Variants in KCND2 observed in about 807,000 individuals in gnomAD.
The protein encoded by KCND2 is potassium voltage-gated channel subfamily D member 2.
In KCND2, 16 loss-of-function variants were observed where a neutral mutation model predicts 54.4. The ratio of observed to expected loss-of-function variants is 0.29; its 90% CI spans 0.20 to 0.45. The LOEUF (loss-of-function observed/expected upper bound fraction) is 0.45. KCND2 is among the 20% of genes least tolerant of loss of function. The probability of loss-of-function intolerance (pLI) is 1.00; values close to 1 mark genes in which losing one functional copy is unlikely to be tolerated. For synonymous variants in KCND2, 317 were observed against 310.7 expected (o/e 1.02, Z -0.21); for missense variants, 486 against 824.2 (o/e 0.59, Z 5.02).
At chr7:120,571,956 T>G (rs1448914631) in intron 1 of KCND2, among the ~76,000 whole-genome samples, 2 of 152,232 alleles carry the variant, frequency 1.3e-5, no homozygotes, top group Non-Finnish European at 2.9e-5. Context: ...TGACAGACAG[T>G]GTAACAACAG....
At chr7:120,728,145 AAAAG>A (rs1452988795) in intron 1 of KCND2, among the ~76,000 whole-genome samples, 4 of 150,784 alleles carry the variant, frequency 2.7e-5, no homozygotes, top group Non-Finnish European at 4.4e-5. Context: ...AAAAAAAAAA[AAAAG>A]AAAGAAAGAA....
intron 1 of KCND2, among the ~76,000 whole-genome samples, chr7:120,663,315 A>G (rs1791888253): frequency 6.6e-6 from 1 of 152,134 alleles, no homozygotes; most frequent in Non-Finnish European, 1.5e-5. Context: ...AAAAGACCAA[A>G]ATAACAAAAA....
At chr7:120,376,874 G>C (rs1049334864) in intron 1 of KCND2, among the ~76,000 whole-genome samples, 4 of 151,800 alleles carry the variant, frequency 2.6e-5, no homozygotes, top group Non-Finnish European at 4.4e-5. Flanking sequence ...TTTTATATTT[G>C]CTCAGCTGTT....
chr7:120,448,137 G>A (rs10216095), intron 1 of KCND2, among the ~76,000 whole-genome samples: 9,291 of 151,968 alleles, frequency 0.061, 867 homozygotes, highest in African/African-American at 0.21. Context: ...CCATTAACTC[G>A]TCATTTACAT....
At chr7:120,433,912 G>A (rs1014394437) in intron 1 of KCND2, among the ~76,000 whole-genome samples, 1 of 152,176 alleles carries the variant, frequency 6.6e-6, no homozygotes, top group African/African-American at 2.4e-5. Flanking sequence ...TACATAGCAA[G>A]TATGTCTCAT....
chr7:120,748,026 A>C lies in KCND2; in HGVS notation c.*168A>C. ...TTAAGGATGTGAATAAAACCACCAA[A>C]TGGCATTTCTAGACAGTTTGACCTG... On this transcript the variant is annotated 3_prime_UTR_variant, in exon 6 of 6. Coordinates refer to ENST00000331113, the MANE Select transcript of KCND2 (RefSeq NM_012281.3). The C allele has an allele frequency of 4.9e-6, 3 of 614,838 alleles. No individual in the cohort carries two copies. Among genetic ancestry groups the C allele is most frequent in the East Asian group, 2.9e-5 (1 of 34,426 alleles). 38.1% of individuals were successfully genotyped at this position (614,838 alleles called of 1,614,324 possible).
In KCND2 at chr7:120,680,378, A is replaced by T. The variant is rs1204865377; in HGVS notation, c.1116-52525A>T. 2.6e-5 allele frequency among the ~76,000 whole-genome samples: 4 copies of T among 152,078 alleles called. No individual in the cohort carries two copies. In the South Asian group the frequency reaches 6.2e-4, roughly 24 times the overall value. On this transcript the variant is annotated intron_variant, in intron 1 of 5. Transcript: ENST00000331113. ...TTAGTTATTCCTACATGCACATGTGATATTCGTGATACCAGACTGTGAACC... is the reference window on the plus strand; with the variant it reads ...TTAGTTATTCCTACATGCACATGTGTTATTCGTGATACCAGACTGTGAACC...
At chr7:120,588,958 T>C (rs1208102395) in intron 1 of KCND2, among the ~76,000 whole-genome samples, 1 of 152,116 alleles carries the variant, frequency 6.6e-6, no homozygotes, top group Non-Finnish European at 1.5e-5. Flanking sequence ...TAAACCAAAA[T>C]TACTCCTTAC....
Position 120,315,814 on chromosome 7 carries a change from G to A in KCND2, c.1115+40067G>A, listed in dbSNP as rs900112187. Reference sequence around the variant, plus strand: ...TGTGTGTGTGTGTGTGTGTGTGTGTGTGTAATATTTGAGATTTTTAAGACA... The same window carrying A: ...TGTGTGTGTGTGTGTGTGTGTGTGTATGTAATATTTGAGATTTTTAAGACA... On this transcript the variant is annotated intron_variant, in intron 1 of 5. Coordinates refer to ENST00000331113, the MANE Select transcript of KCND2 (RefSeq NM_012281.3). 4.8e-4 allele frequency among the ~76,000 whole-genome samples: 48 copies of A among 99,784 alleles called. 2 individuals carry two copies. Among genetic ancestry groups the A allele is most frequent in the African/African-American group, 1.8e-3 (47 of 26,798 alleles). The allele number at this position is 99,784 out of a possible 152,430, so 65.5% of individuals were successfully genotyped here.
At position 120,274,531 on chromosome 7, in the gene KCND2, C is replaced by T; in HGVS notation, c.-102C>T. ...AGTTACACCTCTGGACCACGTTTCT[C>T]ACTAGTACTTTGCTTGACTGGAGGA... On this transcript the variant is annotated 5_prime_UTR_variant, in exon 1 of 6. Coordinates refer to ENST00000331113, the MANE Select transcript of KCND2 (RefSeq NM_012281.3). 7.5e-7 allele frequency: 1 copy of T among 1,328,096 alleles called. No individual in the cohort carries two copies. Among genetic ancestry groups the T allele is most frequent in the Non-Finnish European group, 1.1e-6 (1 of 921,156 alleles). 82.3% of individuals were successfully genotyped at this position (1,328,096 alleles called of 1,614,324 possible). A position where few individuals can be genotyped will look rare whatever the true frequency, so the allele number is the denominator to read the frequency against.
intron 1 of KCND2, among the ~76,000 whole-genome samples, chr7:120,536,669 A>G (rs922553053): frequency 2.0e-5 from 3 of 152,178 alleles, no homozygotes; most frequent in Admixed American, 2.0e-4. Context: ...AATAAAAAGC[A>G]CATCCTCCTC....
At position 120,745,898 on chromosome 7, in the gene KCND2, G is replaced by T. The variant is rs1356815880; in HGVS notation, c.1586G>T (p.Cys529Phe). The T allele has an allele frequency of 6.2e-7, 1 of 1,613,780 alleles. No homozygotes were observed. Among genetic ancestry groups the T allele is most frequent in the East Asian group, 2.2e-5 (1 of 44,880 alleles). The change falls in exon 5 of 6, where the codon TGC (cysteine) becomes TTC (phenylalanine). Residue 529 changes from cysteine to phenylalanine, a missense_variant. Physicochemically the swap from Cys to Phe is radical, Grantham distance 205. Transcript: ENST00000331113. ...TCACAACAAGGAGTCACCAGCACCTGCTGTTCACGACGACACAAAAAAACT... is the reference window on the plus strand; with the variant it reads ...TCACAACAAGGAGTCACCAGCACCTTCTGTTCACGACGACACAAAAAAACT... ...LSSQQGVTST[C>F]CSRRHKKTFR...
intron 1 of KCND2, among the ~76,000 whole-genome samples, chr7:120,663,796 C>T (rs1791893924): frequency 6.6e-6 from 1 of 152,058 alleles, no homozygotes; most frequent in Non-Finnish European, 1.5e-5. Context: ...AAACATGCAC[C>T]ACGATATTTC....
chr7:120,597,818 T>C (rs1792764461), intron 1 of KCND2, among the ~76,000 whole-genome samples: 1 of 152,136 alleles, frequency 6.6e-6, no homozygotes, highest in Non-Finnish European at 1.5e-5. Flanking sequence ...TTTAGGAAAT[T>C]AAGGCCCTAG....
intron 1 of KCND2, among the ~76,000 whole-genome samples, chr7:120,613,146 T>C (rs766404543): frequency 1.1e-4 from 16 of 151,756 alleles, no homozygotes; most frequent in Non-Finnish European, 1.8e-4. Flanking sequence ...TATTACGCAG[T>C]GATTCAGACA....
At chr7:120,412,591 C>A (rs1429706338) in intron 1 of KCND2, among the ~76,000 whole-genome samples, 1 of 151,970 alleles carries the variant, frequency 6.6e-6, no homozygotes, top group African/African-American at 2.4e-5. Context: ...TCCTTTCAGC[C>A]TGAAAATAAT....
chr7:120,694,934 CT>C (rs1008592507), intron 1 of KCND2, among the ~76,000 whole-genome samples: 2 of 152,096 alleles, frequency 1.3e-5, no homozygotes, highest in Non-Finnish European at 2.9e-5. Flanking sequence ...TAAATCTGAC[CT>C]CCTTTCTGAA....
intron 1 of KCND2, among the ~76,000 whole-genome samples, chr7:120,717,695 A>G (rs1792620336): frequency 6.6e-6 from 1 of 151,988 alleles, no homozygotes; most frequent in East Asian, 1.9e-4. Context: ...AGGTGCCTGG[A>G]CGCCTCTTAA....
intron 1 of KCND2, among the ~76,000 whole-genome samples, chr7:120,618,579 A>G (rs929982807): frequency 6.6e-6 from 1 of 152,148 alleles, no homozygotes; most frequent in Non-Finnish European, 1.5e-5. Flanking sequence ...ATTGTTTCAC[A>G]AAGAAAATAC....
Sources: gnomAD v4.1 joint callset for allele counts (sites outside exome capture counted in the v4.1 genomes callset) on GRCh38, gnomAD v4.1.1 for gene constraint, MANE v1.5 for transcripts, NCBI Gene and HGNC (gene_info 2026-07-23, HGNC 2026-07-21) for gene names.